Variants in ADCY5 observed in about 807,000 individuals in gnomAD.
The protein encoded by ADCY5 is adenylate cyclase 5.
In ADCY5, 30 loss-of-function variants were observed where a neutral mutation model predicts 119.7. The observed-to-expected ratio is 0.25, with a 90% CI of 0.19 to 0.34. The LOEUF is 0.34. Ranked by LOEUF, ADCY5 falls within the 10% of genes least tolerant of loss-of-function variation. The pLI, the probability that ADCY5 is intolerant of heterozygous loss-of-function variation, is 1.00. For missense variants in ADCY5, 1,324 were observed against 1,775.2 expected, an observed-to-expected ratio of 0.75 and a Z score of 4.57; for synonymous variants, 753 against 762.2, an observed-to-expected ratio of 0.99 and a Z score of 0.20.
At chr3:123,299,627 A>G (rs1391715153) in intron 15 of ADCY5, among the ~76,000 whole-genome samples, 1 of 152,246 alleles carries the variant, frequency 6.6e-6, no homozygotes, top group Non-Finnish European at 1.5e-5. Context: ...CACCACAGCC[A>G]GGAGCCTTTG....
At chr3:123,306,461 T>C (rs1457145104) in intron 12 of ADCY5, among the ~76,000 whole-genome samples, 2 of 152,212 alleles carry the variant, frequency 1.3e-5, no homozygotes, top group Non-Finnish European at 2.9e-5. Flanking sequence ...CTTTGTGACT[T>C]TGGATCAGGC....
intron 1 of ADCY5, among the ~76,000 whole-genome samples, chr3:123,427,431 A>C (rs1373960746): frequency 6.6e-6 from 1 of 151,082 alleles, no homozygotes. Context: ...TTCCTTGGCC[A>C]CTCTCCCTGG....
rs182870495 is a variant in ADCY5 at position 123,286,202 on chromosome 3, G to C, written c.3657+483C>G. Among the ~76,000 whole-genome samples the C allele has an allele frequency of 6.6e-6, 1 of 152,208 alleles. No homozygotes were observed. Among genetic ancestry groups the C allele is most frequent in the Non-Finnish European group, 1.5e-5 (1 of 68,026 alleles). On this transcript the variant is annotated intron_variant, in intron 20 of 20. Transcript: ENST00000462833. The surrounding 1 kb of genome is among the most constrained non-coding windows in gnomAD (Gnocchi z 4.2). ...GCAAAGGAGGGAGCAAGGGGAAAAG[G>C]CCTCTGAGTCTGTGGCCAGGGCCCT...
chr3:123,302,791 G>A (rs1939919840), intron 14 of ADCY5, among the ~76,000 whole-genome samples: 2 of 152,316 alleles, frequency 1.3e-5, no homozygotes, highest in Middle Eastern at 3.4e-3. Context: ...AGTGCAGGTA[G>A]AGCTCTCAGC....
At chr3:123,386,796 C>T (rs59107033) in intron 1 of ADCY5, among the ~76,000 whole-genome samples, 28,611 of 152,100 alleles carry the variant, frequency 0.19, 2,994 homozygotes, top group Middle Eastern at 0.28. Flanking sequence ...GACCCCACCC[C>T]GTTTCCTGTA....
chr3:123,365,413 G>T lies in ADCY5; in HGVS notation c.1135-12832C>A, dbSNP rs182767249. On this transcript the variant is annotated intron_variant, in intron 1 of 20. Transcript: ENST00000462833. ...AAGAGGAAGATGCTAGAAGTAGAGA[G>T]ACTAAAAGAGGGCTGTGGAAATAGC... is the stretch of plus-strand genomic sequence containing the variant. Among the ~76,000 whole-genome samples the T allele has an allele frequency of 9.2e-5, 14 of 152,324 alleles. No homozygotes were observed. The East Asian group carries it at 2.5e-3, about 27-fold the overall frequency.
chr3:123,393,564 T>TAATAAAATAAAATAAAATAAAA (rs113863106), intron 1 of ADCY5, among the ~76,000 whole-genome samples: 9 of 143,436 alleles, frequency 6.3e-5, no homozygotes, highest in African/African-American at 2.2e-4. Context: ...TTCTAAAAAA[T>TAATAAAATAAAATAAAATAAAA]TAAAATAAAA....
intron 1 of ADCY5, among the ~76,000 whole-genome samples, chr3:123,379,473 T>C (rs78523292): frequency 0.012 from 1,844 of 152,156 alleles, 39 homozygotes; most frequent in African/African-American, 0.042. Context: ...TCTCTCTCCC[T>C]GGGGGAGGAA....
At chr3:123,287,800 A>G (rs1938882603) in intron 19 of ADCY5, among the ~76,000 whole-genome samples, 2 of 152,206 alleles carry the variant, frequency 1.3e-5, no homozygotes, top group Non-Finnish European at 2.9e-5. Context: ...CACCCAGGGA[A>G]GACAAGCCTG....
chr3:123,367,675 G>A (rs1039418698), intron 1 of ADCY5, among the ~76,000 whole-genome samples: 2 of 152,032 alleles, frequency 1.3e-5, no homozygotes, highest in African/African-American at 4.8e-5. Context: ...TCAGATTCAG[G>A]GGCGGGAAGA....
intron 16 of ADCY5, 109 bp downstream of exon 16, chr3:123,297,244 C>A: frequency 6.7e-7 from 1 of 1,484,974 alleles, no homozygotes; most frequent in Non-Finnish European, 9.3e-7. Flanking sequence ...CCTTCTCCTT[C>A]ACTACCCACC....
intron 1 of ADCY5, among the ~76,000 whole-genome samples, chr3:123,443,116 C>T (rs978502249): frequency 3.3e-5 from 5 of 152,200 alleles, no homozygotes; most frequent in African/African-American, 9.7e-5. Flanking sequence ...GAGTGATCCA[C>T]CAGACAGGCC....
rs770071397 is a variant in ADCY5, at chr3:123,284,677, G to A, written c.3717C>T (p.Gly1239=). ...CGCCTTTGCCCTTGACCTTGACCAC[G>A]CCCCGGCACTCCAGCTGGTACGTGT... is the stretch of plus-strand genomic sequence containing the variant. The part of the protein sequence containing the change: ...AANTYQLECR[G]VVKVKGKGEM... Residue 1239 remains glycine, a synonymous_variant, in exon 21 of 21, where the codon GGC becomes GGT. Coordinates refer to ENST00000462833, the MANE Select transcript of ADCY5 (RefSeq NM_183357.3). The A allele has an allele frequency of 1.7e-5, 28 of 1,614,100 alleles. 1 individual carries two copies. In the South Asian group the frequency reaches 2.5e-4, roughly 15 times the overall value.
chr3:123,366,338 C>T (rs1325343793), intron 1 of ADCY5, among the ~76,000 whole-genome samples: 1 of 152,172 alleles, frequency 6.6e-6, no homozygotes. Context: ...CATTGGTGGC[C>T]CACCTTAGGC....
At chr3:123,383,957 C>T (rs1268466022) in intron 1 of ADCY5, among the ~76,000 whole-genome samples, 2 of 105,368 alleles carry the variant, frequency 1.9e-5, no homozygotes, top group East Asian at 8.1e-4. Flanking sequence ...CTGCAAGGCA[C>T]GTGCGCGCGC....
Position 123,396,724 on chromosome 3 carries a change from AGGG to A in ADCY5, c.1135-44146_1135-44144del, listed in dbSNP as rs1944587230. Among the ~76,000 whole-genome samples, 3 of 76,674 alleles carry A rather than the reference AGGG, an allele frequency of 3.9e-5. 1 individual carries two copies. The highest frequency in any genetic ancestry group is 1.6e-4 in the African/African-American group (3 of 18,246). The allele number at this position is 76,674 out of a possible 152,430, so 50.3% of individuals were successfully genotyped here. On this transcript the variant is annotated intron_variant, in intron 1 of 20. Transcript: ENST00000462833. ...AGAGGGAGGGAGGGAGAGAGAAGGG[AGGG>A]AGGAAGGAAGGAAGGAAGGAAGGAA...
rs540465386 is a variant in ADCY5, at chr3:123,350,332, CATT to C, written c.1284+2097_1284+2099del. Reference sequence around the variant, plus strand: ...GAGCCTTATGCTCGAGAAGCTGACACATTAGTGAAGGGCGGTGTTCTCTGTGGG... The same window carrying C: ...GAGCCTTATGCTCGAGAAGCTGACACAGTGAAGGGCGGTGTTCTCTGTGGG... On this transcript the variant is annotated intron_variant, in intron 2 of 20. Transcript: ENST00000462833. Among the ~76,000 whole-genome samples, 11 of 152,336 alleles carry C rather than the reference CATT, an allele frequency of 7.2e-5. No homozygotes were observed. In the South Asian group the frequency reaches 2.3e-3, roughly 32 times the overall value.
At chr3:123,415,500 T>C (rs1163525756) in intron 1 of ADCY5, among the ~76,000 whole-genome samples, 6 of 152,058 alleles carry the variant, frequency 3.9e-5, no homozygotes, top group African/African-American at 1.4e-4. Context: ...CCAGGGGTGA[T>C]GGCGGCCCCT....
chr3:123,358,529 G>T (rs1943125636), intron 1 of ADCY5, among the ~76,000 whole-genome samples: 1 of 152,192 alleles, frequency 6.6e-6, no homozygotes, highest in Non-Finnish European at 1.5e-5. Context: ...GAGCCCAGGA[G>T]ATAGAGGCTG....
Sources: allele counts gnomAD v4.1 joint callset (sites outside exome capture counted in the v4.1 genomes callset), GRCh38; gene constraint gnomAD v4.1.1; non-coding constraint Gnocchi (gnomAD v3.1); transcripts MANE v1.5; gene names NCBI Gene and HGNC (gene_info 2026-07-23, HGNC 2026-07-21).